ASAP1: variants seen among roughly 807,000 people sequenced by gnomAD.
ASAP1 encodes ArfGAP with SH3 domain, ankyrin repeat and PH domain 1, also known as arf-GAP with SH3 domain, ANK repeat and PH domain-containing protein 1.
In ASAP1, 43 loss-of-function variants were observed where a neutral mutation model predicts 145.2. The ratio of observed to expected loss-of-function variants is 0.30; its 90% CI spans 0.23 to 0.38. ASAP1 has a LOEUF of 0.38. ASAP1 is among the 10% of genes least tolerant of loss of function. The pLI is 1.00. For missense variants in ASAP1, 1,018 were observed against 1,355.3 expected (o/e 0.75, Z 3.91); for synonymous variants, 546 against 515.5 (o/e 1.06, Z -0.80).
chr8:130,391,433 AT>A (rs1828280243), intron 2 of ASAP1, among the ~76,000 whole-genome samples: 1 of 152,232 alleles, frequency 6.6e-6, no homozygotes, highest in African/African-American at 2.4e-5. Context: ...AACAATAGTA[AT>A]TTTTATGTTA....
chr8:130,166,720 A>G (rs979304028), intron 11 of ASAP1, among the ~76,000 whole-genome samples: 12 of 152,056 alleles, frequency 7.9e-5, no homozygotes, highest in East Asian at 5.8e-4. Flanking sequence ...GGTGTTAATG[A>G]AATGTTTGAA....
chr8:130,401,885 C>G lies in ASAP1; in HGVS notation c.59G>C (p.Arg20Pro). 6.2e-7 allele frequency: 1 copy of G among 1,613,276 alleles called. No homozygotes were observed. The highest frequency in any genetic ancestry group is 1.3e-5 in the African/African-American group (1 of 75,018). ...ACAGGATGGGCTAGAGATCACTCAC[C>G]GATTCCATAGTGAATCTCTCGACGA... ...SFSSRDSLWN[R>P]MPDQISVSEF... is the part of the protein sequence containing the mutation. Residue 20 changes from arginine (R) to proline (P), a missense_variant and splice_region_variant, in exon 2 of 30, where the codon CGG (arginine) becomes CCG (proline). Around this residue, in one of 9 missense-constraint regions of ASAP1, gnomAD observed 106 missense variants for 134.5 expected, o/e 0.79. Transcript: ENST00000518721.
At chr8:130,306,275 A>T (rs116077358) in intron 3 of ASAP1, among the ~76,000 whole-genome samples, 32 of 152,332 alleles carry the variant, frequency 2.1e-4, no homozygotes, top group African/African-American at 7.7e-4. Flanking sequence ...TACAAGTATT[A>T]TCATTTAGCA....
At chr8:130,322,473 T>C (rs1824068146) in intron 3 of ASAP1, among the ~76,000 whole-genome samples, 1 of 152,196 alleles carries the variant, frequency 6.6e-6, no homozygotes, top group Non-Finnish European at 1.5e-5. Context: ...TTTTACCTTG[T>C]ATTTGAATCA....
chr8:130,342,334 T>C (rs1188551677), intron 3 of ASAP1, among the ~76,000 whole-genome samples: 2 of 152,190 alleles, frequency 1.3e-5, no homozygotes, highest in Non-Finnish European at 2.9e-5. Flanking sequence ...GAAGTTAATA[T>C]TGTTTACTTT....
intron 8 of ASAP1, 92 bp downstream of exon 8, chr8:130,180,659 G>C (rs28495072): frequency 0.71 from 991,344 of 1,398,770 alleles, 352,678 homozygotes; most frequent in South Asian, 0.79. Flanking sequence ...TAATCAAACA[G>C]AGTCTGCCTT....
intron 3 of ASAP1, among the ~76,000 whole-genome samples, chr8:130,335,974 G>A (rs2137849838): frequency 6.6e-6 from 1 of 152,198 alleles, no homozygotes; most frequent in African/African-American, 2.4e-5. Context: ...ATGATTACTG[G>A]GAAATGAAAT....
At chr8:130,403,558 T>C (rs181083485) in intron 1 of ASAP1, among the ~76,000 whole-genome samples, 1,527 of 148,814 alleles carry the variant, frequency 0.01, 23 homozygotes, top group African/African-American at 0.036. Flanking sequence ...CTTTTTCTTT[T>C]TTTTTTTTTT....
At chr8:130,189,861 G>A (rs1234765565) in intron 5 of ASAP1, among the ~76,000 whole-genome samples, 2 of 152,154 alleles carry the variant, frequency 1.3e-5, no homozygotes, top group Non-Finnish European at 2.9e-5. Flanking sequence ...GGCTTGAGAT[G>A]ATATTTCACT....
chr8:130,098,699 T>A (rs2097523413), intron 24 of ASAP1, among the ~76,000 whole-genome samples: 2 of 152,352 alleles, frequency 1.3e-5, no homozygotes, highest in Admixed American at 6.5e-5. Context: ...TACATAGTGA[T>A]ATTTCAATAC....
At chr8:130,214,535 C>T (rs745560490) in intron 5 of ASAP1, 21 bp downstream of exon 5, 28 of 1,568,842 alleles carry the variant, frequency 1.8e-5, no homozygotes, top group South Asian at 4.7e-5. Flanking sequence ...ATTCTTTTTA[C>T]TCACATATGA....
At chr8:130,433,834 G>A (rs906779291) in intron 1 of ASAP1, among the ~76,000 whole-genome samples, 2 of 152,308 alleles carry the variant, frequency 1.3e-5, no homozygotes, top group Admixed American at 1.3e-4. Flanking sequence ...AAAAAACTGT[G>A]AGAGTTTTCA....
At position 130,169,027 on chromosome 8, in the gene ASAP1, G is replaced by C; in HGVS notation, c.787C>G (p.Gln263Glu). 6.4e-7 allele frequency: 1 copy of C among 1,571,806 alleles called. No individual in the cohort carries two copies. The highest frequency in any genetic ancestry group is 1.4e-5 in the African/African-American group (1 of 72,954). Residue 263 changes from glutamine (Q) to glutamate (E), a missense_variant, in exon 10 of 30, where the codon CAG (glutamine) becomes GAG (glutamate). By Grantham distance (29) the Gln-to-Glu change is conservative. This residue lies in a region of ASAP1 where 62 missense variants were observed against 68.5 expected (regional missense o/e 0.90). Transcript: ENST00000518721. ...DGLKTADKLK[Q>E]YIEKLAADLY... ...TCAGCAGCCAGTTTTTCAATGTACT[G>C]TTTCAACTTATCAGCTGTTTTCAAG...
chr8:130,070,192 A>G (rs1193535109), intron 27 of ASAP1, among the ~76,000 whole-genome samples: 1 of 152,058 alleles, frequency 6.6e-6, no homozygotes, highest in Non-Finnish European at 1.5e-5. Context: ...GCCCGTCACC[A>G]TGCCCGGCTA....
At chr8:130,338,601 T>C (rs184006812) in intron 3 of ASAP1, among the ~76,000 whole-genome samples, 88 of 152,328 alleles carry the variant, frequency 5.8e-4, no homozygotes, top group Non-Finnish European at 1.0e-3. Flanking sequence ...TGTGGAATTT[T>C]TTCCATTTCT....
chr8:130,261,699 T>C (rs1819908817), intron 3 of ASAP1, among the ~76,000 whole-genome samples: 1 of 152,126 alleles, frequency 6.6e-6, no homozygotes, highest in Non-Finnish European at 1.5e-5. Flanking sequence ...GTAAGAACTC[T>C]GATACACAAT....
intron 1 of ASAP1, among the ~76,000 whole-genome samples, chr8:130,438,308 G>A (rs1282139749): frequency 5.9e-5 from 9 of 152,162 alleles, no homozygotes; most frequent in Admixed American, 3.3e-4. Flanking sequence ...CCACCAGTGC[G>A]CCAGGCCCTC....
At chr8:130,072,830 C>CACGCGCG (rs1554816438) in intron 27 of ASAP1, among the ~76,000 whole-genome samples, 5 of 31,922 alleles carry the variant, frequency 1.6e-4, no homozygotes, top group African/African-American at 4.1e-4. Flanking sequence ...TGTGTGCGCG[C>CACGCGCG]GGGGGGGGGC....
chr8:130,070,043 T>G (rs887276764), intron 27 of ASAP1, among the ~76,000 whole-genome samples: 2 of 152,232 alleles, frequency 1.3e-5, no homozygotes, highest in African/African-American at 4.8e-5. Context: ...GCATCTCTTT[T>G]TTTTTGTTTT....
Sources: allele counts gnomAD v4.1 joint callset (sites outside exome capture counted in the v4.1 genomes callset), GRCh38; gene constraint gnomAD v4.1.1; regional missense constraint gnomAD v4.1.1; transcripts MANE v1.5; gene names NCBI Gene and HGNC (gene_info 2026-07-23, HGNC 2026-07-21).